MID2: variants seen among roughly 807,000 people sequenced by gnomAD.
The protein encoded by MID2 is midline 2, also known as probable E3 ubiquitin-protein ligase MID2.
A neutral mutation model predicts 46.1 loss-of-function variants in MID2; 13 were observed. That is an observed-to-expected ratio of 0.28 (90% CI 0.18 to 0.45). MID2 has a LOEUF of 0.45. Among genes scored for constraint, MID2 ranks in the 20% least tolerant of loss-of-function variants. The pLI is 1.00. For missense variants in MID2, 431 were observed against 575.4 expected, an observed-to-expected ratio of 0.75 and a Z score of 2.57; for synonymous variants, 199 against 212.3, an observed-to-expected ratio of 0.94 and a Z score of 0.55.
chrX:107,857,783 C>T (rs897641405), intron 3 of MID2, among the ~76,000 whole-genome samples: 1 of 111,615 alleles, frequency 9.0e-6, no homozygotes, highest in African/African-American at 3.3e-5. Context: ...GAAAGTAAGA[C>T]ACTGATGGGT....
intron 7 of MID2, among the ~76,000 whole-genome samples, chrX:107,921,669 C>G (rs1933076921): frequency 9.0e-6 from 1 of 111,398 alleles, no homozygotes; most frequent in Admixed American, 9.5e-5. Context: ...CATTTCCTCC[C>G]ATTTGTTTAT....
At chrX:107,910,999 T>C (rs1411041660) in intron 5 of MID2, among the ~76,000 whole-genome samples, 1 of 102,888 alleles carries the variant, frequency 9.7e-6, no homozygotes, top group African/African-American at 3.5e-5. Flanking sequence ...GACTACAGGC[T>C]CACGCCATTA....
intron 1 of MID2, among the ~76,000 whole-genome samples, chrX:107,833,679 C>T (rs909111735): frequency 6.3e-5 from 7 of 111,690 alleles, no homozygotes; most frequent in Non-Finnish European, 7.5e-5. Context: ...GTACAGATCA[C>T]GACTTCTCTC....
intron 1 of MID2, among the ~76,000 whole-genome samples, chrX:107,837,198 A>G (rs751934653): frequency 8.9e-6 from 1 of 112,273 alleles, no homozygotes; most frequent in Non-Finnish European, 1.9e-5. Flanking sequence ...AGATTTCCAA[A>G]CAAAATTTAA....
rs1933233347 is a variant in MID2, at chrX:107,928,781, T to A, written c.*1708T>A. On this transcript the variant is annotated 3_prime_UTR_variant, in exon 10 of 10. Coordinates refer to ENST00000262843, the MANE Select transcript of MID2 (RefSeq NM_012216.4). ...CCAATAACAGTTATGTATTGTTTGTTCACTTAATGTGGAAGGCAAGACTGA... is the reference window on the plus strand; with the variant it reads ...CCAATAACAGTTATGTATTGTTTGTACACTTAATGTGGAAGGCAAGACTGA... Among the ~76,000 whole-genome samples the A allele has an allele frequency of 8.9e-6, 1 of 112,190 alleles. No homozygotes were observed. Among genetic ancestry groups the A allele is most frequent in the Non-Finnish European group, 1.9e-5 (1 of 53,174 alleles).
chrX:107,846,928 T>C, intron 2 of MID2, among the ~76,000 whole-genome samples: 1 of 112,229 alleles, frequency 8.9e-6, no homozygotes, highest in Non-Finnish European at 1.9e-5. Context: ...TCCTGTCTGT[T>C]ATTGTTGGGC....
chrX:107,850,750 T>C (rs1415545285), intron 2 of MID2, among the ~76,000 whole-genome samples: 1 of 112,098 alleles, frequency 8.9e-6, no homozygotes, highest in Non-Finnish European at 1.9e-5. Context: ...CCTCAAATTA[T>C]GTGTTCAGCC....
At position 107,930,239 on chromosome X, in the gene MID2, T is replaced by C. The variant is rs1933259077; in HGVS notation, c.*3166T>C. ...TGTACTCTCATGTTCGTAGTGATGTTTGTTACTTCCTGGGCAGAAAAGCTT... is the reference window on the plus strand; with the variant it reads ...TGTACTCTCATGTTCGTAGTGATGTCTGTTACTTCCTGGGCAGAAAAGCTT... On this transcript the variant is annotated 3_prime_UTR_variant, in exon 10 of 10. Transcript: ENST00000262843. 8.9e-6 allele frequency among the ~76,000 whole-genome samples: 1 copy of C among 111,995 alleles called. No individual in the cohort carries two copies. Among genetic ancestry groups the C allele is most frequent in the African/African-American group, 3.2e-5 (1 of 30,860 alleles).
In MID2 at chrX:107,854,646, G is replaced by A. The variant is rs200061253; in HGVS notation, c.758G>A (p.Arg253His). ...LEMNLTNLVK[R>H]NSELENQMAK... ...ATGAACCTCACCAACCTGGTTAAGC[G>A]CAACAGCGAACTAGAAAATCAAATG... The change falls in exon 3 of 10, where the codon CGC (arginine) becomes CAC (histidine). Residue 253 changes from arginine to histidine, a missense_variant. By Grantham distance (29) the Arg-to-His change is conservative. Coordinates refer to ENST00000262843, the MANE Select transcript of MID2 (RefSeq NM_012216.4). 3.8e-5 allele frequency: 46 copies of A among 1,210,499 alleles called. No homozygotes were observed. Among genetic ancestry groups the A allele is most frequent in the East Asian group, 5.9e-5 (2 of 33,812 alleles).
chrX:107,897,254 C>T (rs964417872), intron 3 of MID2, among the ~76,000 whole-genome samples: 3 of 111,359 alleles, frequency 2.7e-5, no homozygotes, highest in African/African-American at 9.8e-5. Context: ...CTAACTTTAA[C>T]AGCCAATCTC....
chrX:107,881,487 A>G (rs921774906), intron 3 of MID2, among the ~76,000 whole-genome samples: 13 of 111,946 alleles, frequency 1.2e-4, no homozygotes, highest in Non-Finnish European at 1.3e-4. Context: ...CCCAGTGATG[A>G]CCTTTTCTTC....
At chrX:107,877,677 T>TG (rs1932229319) in intron 3 of MID2, among the ~76,000 whole-genome samples, 1 of 111,785 alleles carries the variant, frequency 8.9e-6, no homozygotes, top group African/African-American at 3.3e-5. Context: ...ACCTTTGGGT[T>TG]CCCAGGGCTT....
chrX:107,884,222 A>T (rs1310345997), intron 3 of MID2, among the ~76,000 whole-genome samples: 4 of 112,483 alleles, frequency 3.6e-5, no homozygotes, highest in African/African-American at 1.3e-4. Flanking sequence ...GAGTAAGTAG[A>T]GACATAAATC....
At chrX:107,842,003 C>CA (rs1931357918) in intron 2 of MID2, among the ~76,000 whole-genome samples, 1 of 112,352 alleles carries the variant, frequency 8.9e-6, no homozygotes, top group Non-Finnish European at 1.9e-5. Context: ...AAAAACAAAA[C>CA]AAAACAAAAC....
chrX:107,889,187 C>T lies in MID2; in HGVS notation c.817-14771C>T, dbSNP rs1451415598. ...TATGATGTTAGCTGGTTATTTTGCT[C>T]GTTAGTTGATGCAGTTTCTTCCTAG... On this transcript the variant is annotated intron_variant, in intron 3 of 9. Coordinates refer to ENST00000262843, the MANE Select transcript of MID2 (RefSeq NM_012216.4). Among the ~76,000 whole-genome samples the T allele has an allele frequency of 6.3e-5, 7 of 111,201 alleles. No homozygotes were observed. In the East Asian group the frequency reaches 8.4e-4, roughly 13 times the overall value.
At chrX:107,882,892 G>T (rs5962415) in intron 3 of MID2, among the ~76,000 whole-genome samples, 2 of 110,948 alleles carry the variant, frequency 1.8e-5, no homozygotes, top group Non-Finnish European at 3.8e-5. Context: ...CTATAAAGAC[G>T]CATGCACACA....
intron 3 of MID2, chrX:107,894,863 G>GAA (rs1569468619): frequency 1.3e-4 from 4 of 30,838 alleles, no homozygotes; most frequent in African/African-American, 2.3e-4. Flanking sequence ...GTGTGTGTGT[G>GAA]TGAAAGAGAG....
At chrX:107,836,839 C>T (rs1931217829) in intron 1 of MID2, among the ~76,000 whole-genome samples, 1 of 111,389 alleles carries the variant, frequency 9.0e-6, no homozygotes. Context: ...CAAACAGATT[C>T]GAAACAGTCT....
intron 3 of MID2, chrX:107,895,827 A>G (rs955253623): frequency 8.9e-6 from 1 of 112,490 alleles, no homozygotes; most frequent in Non-Finnish European, 1.9e-5. Context: ...CCTGTCATTT[A>G]GTAGCAATGT....
Sources: allele counts gnomAD v4.1 joint callset (sites outside exome capture counted in the v4.1 genomes callset), GRCh38; gene constraint gnomAD v4.1.1; transcripts MANE v1.5; gene names NCBI Gene and HGNC (gene_info 2026-07-23, HGNC 2026-07-21).